CYFIP1: variants seen among roughly 807,000 people sequenced by gnomAD.
The protein encoded by CYFIP1 is cytoplasmic FMR1-interacting protein 1.
CYFIP1 carries 58 observed loss-of-function variants against 163.5 expected under a neutral mutation model. The ratio of observed to expected loss-of-function variants is 0.35; its 90% CI spans 0.29 to 0.44. CYFIP1 has a LOEUF of 0.44. Ranked by LOEUF, CYFIP1 falls within the 20% of genes least tolerant of loss-of-function variation. The pLI is 1.00. For synonymous variants in CYFIP1, 663 were observed against 660.7 expected, an observed-to-expected ratio of 1.00 and a Z score of -0.05; for missense variants, 1,338 against 1,653.8, an observed-to-expected ratio of 0.81 and a Z score of 3.31.
chr15:22,943,094 G>A (rs907837826), intron 6 of CYFIP1, 79 bp downstream of exon 6: 114 of 1,386,088 alleles, frequency 8.2e-5, no homozygotes, highest in East Asian at 3.8e-4. Flanking sequence ...AAACAAAGAC[G>A]CACACCTGCT....
chr15:22,883,616 G>A (rs188536294), intron 23 of CYFIP1, among the ~76,000 whole-genome samples: 3,467 of 152,190 alleles, frequency 0.023, 85 homozygotes, highest in Middle Eastern at 0.15. Context: ...AGGAGATGGA[G>A]ACCATCCTGG....
intron 8 of CYFIP1, among the ~76,000 whole-genome samples, chr15:22,937,816 G>A (rs913002136): frequency 1.3e-5 from 2 of 151,972 alleles, no homozygotes; most frequent in African/African-American, 4.8e-5. Flanking sequence ...TGTTGGTCAG[G>A]CTGGTGTAAA....
At chr15:22,908,914 C>T (rs1457574701) in intron 21 of CYFIP1, among the ~76,000 whole-genome samples, 2 of 152,088 alleles carry the variant, frequency 1.3e-5, no homozygotes, top group African/African-American at 2.4e-5. Context: ...CCATAGTTGG[C>T]GATTTTTTCA....
chr15:22,956,294 G>A (rs931375882), intron 1 of CYFIP1, among the ~76,000 whole-genome samples: 3 of 152,020 alleles, frequency 2.0e-5, no homozygotes, highest in East Asian at 1.9e-4. Flanking sequence ...GATGTCTCTC[G>A]TGCTCAGCAG....
At chr15:22,965,994 A>ATT (rs2062888372) in intron 1 of CYFIP1, among the ~76,000 whole-genome samples, 1 of 152,162 alleles carries the variant, frequency 6.6e-6, no homozygotes, top group African/African-American at 2.4e-5. Context: ...TACAGAGATA[A>ATT]TTAAGTTAAA....
At chr15:22,927,884 T>G in intron 12 of CYFIP1, 22 bp downstream of exon 12, 1 of 1,585,832 alleles carries the variant, frequency 6.3e-7, no homozygotes, top group Non-Finnish European at 8.5e-7. Context: ...GGAGCGGGGC[T>G]GGGGTCGGGG....
At chr15:22,870,340 T>A (rs2141804300) in intron 30 of CYFIP1, 148 bp from the exon 31 acceptor site, 1 of 756,442 alleles carries the variant, frequency 1.3e-6, no homozygotes, top group Non-Finnish European at 2.0e-6. Flanking sequence ...TTTTTTTTTG[T>A]AAGATAGGGT....
chr15:22,922,589 G>A (rs974778312), intron 13 of CYFIP1, among the ~76,000 whole-genome samples: 1 of 152,170 alleles, frequency 6.6e-6, no homozygotes, highest in Non-Finnish European at 1.5e-5. Context: ...GGGGGATGGA[G>A]GGTGGTCTGG....
At chr15:22,899,893 C>T (rs1410529262) in intron 22 of CYFIP1, among the ~76,000 whole-genome samples, 1 of 151,974 alleles carries the variant, frequency 6.6e-6, no homozygotes, top group African/African-American at 2.4e-5. Context: ...ACTAAAAATA[C>T]AAAAATTAGC....
chr15:22,934,177 C>CTTTTTTTTTTTTTT (rs1163626431), intron 9 of CYFIP1, among the ~76,000 whole-genome samples: 3 of 66,162 alleles, frequency 4.5e-5, no homozygotes, highest in African/African-American at 1.9e-4. Context: ...GCATTTCTTT[C>CTTTTTTTTTTTTTT]TTTTTTTTTT....
chr15:22,894,802 T>A (rs941966907), intron 22 of CYFIP1, among the ~76,000 whole-genome samples: 4 of 147,938 alleles, frequency 2.7e-5, no homozygotes, highest in Admixed American at 6.8e-5. Context: ...ACATAATACA[T>A]GTATTTATTC....
rs576051964 is a variant in CYFIP1 at position 22,944,538 on chromosome 15, C to A, written c.387+20G>T. Reference sequence around the variant, plus strand: ...CCACCCCTCGGTGTTACACCCCCCCCAGATTATTTGCCATTTTACCTGGAA... The same window carrying A: ...CCACCCCTCGGTGTTACACCCCCCCAAGATTATTTGCCATTTTACCTGGAA... On this transcript the variant is annotated intron_variant, in intron 5 of 30. Coordinates refer to ENST00000617928, the MANE Select transcript of CYFIP1 (RefSeq NM_014608.6). 5.8e-6 allele frequency: 9 copies of A among 1,560,502 alleles called. No individual in the cohort carries two copies. The highest frequency in any genetic ancestry group is 1.1e-5 in the South Asian group (1 of 88,878).
intron 15 of CYFIP1, 86 bp from the exon 16 acceptor site, chr15:22,916,716 G>T (rs541707268): frequency 6.2e-7 from 1 of 1,613,916 alleles, no homozygotes; most frequent in Non-Finnish European, 8.5e-7. Context: ...ATGAGAGAAG[G>T]ACTGCTCCGC....
chr15:22,882,694 T>C (rs976588284), intron 24 of CYFIP1, among the ~76,000 whole-genome samples, 174 bp downstream of exon 24: 13 of 152,184 alleles, frequency 8.5e-5, no homozygotes, highest in African/African-American at 3.1e-4. Flanking sequence ...ACCCATTCTC[T>C]TGAGTTTGAA....
At chr15:22,872,279 G>C (rs2059453364) in intron 30 of CYFIP1, among the ~76,000 whole-genome samples, 1 of 123,946 alleles carries the variant, frequency 8.1e-6, no homozygotes. Context: ...TGAGCAACAA[G>C]AGCGAAACTG....
In CYFIP1 at chr15:22,911,223, A is replaced by G. The variant is rs148944501; in HGVS notation, c.2083-410T>C. ...AAACTAGCAATAATCTTACTGTCCA[A>G]CAACAGCACACTAAATAAACTGCAG... On this transcript the variant is annotated intron_variant, in intron 18 of 30. Transcript: ENST00000617928. Among the ~76,000 whole-genome samples, 263 of 152,258 alleles carry G rather than the reference A, an allele frequency of 1.7e-3. 2 individuals are homozygous for G. Among genetic ancestry groups the G allele is most frequent in the African/African-American group, 6.1e-3 (252 of 41,578 alleles).
Position 22,974,201 on chromosome 15 carries a change from G to GT in CYFIP1, c.-7+6085dup, listed in dbSNP as rs1279660042. On this transcript the variant is annotated intron_variant, in intron 1 of 30. Transcript: ENST00000617928. ...TATATATCTAAAAGAAATGAAATCCGTATGTCCAAGAGATCGCTGTACCCC... is the reference window on the plus strand; with the variant it reads ...TATATATCTAAAAGAAATGAAATCCGTTATGTCCAAGAGATCGCTGTACCCC... 3.3e-5 allele frequency among the ~76,000 whole-genome samples: 5 copies of GT among 152,070 alleles called. No individual in the cohort carries two copies. In the East Asian group the frequency reaches 7.7e-4, roughly 23 times the overall value.
At chr15:22,932,687 G>A (rs541704367) in intron 10 of CYFIP1, among the ~76,000 whole-genome samples, 4 of 152,308 alleles carry the variant, frequency 2.6e-5, no homozygotes, top group East Asian at 1.9e-4. Context: ...AGATGGCTCT[G>A]TAGAGTCTGC....
intron 10 of CYFIP1, among the ~76,000 whole-genome samples, chr15:22,933,132 C>T (rs2061592772): frequency 6.6e-6 from 1 of 151,880 alleles, no homozygotes; most frequent in African/African-American, 2.4e-5. Context: ...CCGCGCCCCA[C>T]CCTCTTCTTT....
Sources: allele counts gnomAD v4.1 joint callset (sites outside exome capture counted in the v4.1 genomes callset), GRCh38; gene constraint gnomAD v4.1.1; transcripts MANE v1.5; gene names NCBI Gene and HGNC (gene_info 2026-07-23, HGNC 2026-07-21).